Variants in OSBPL9 observed in about 807,000 individuals in gnomAD.
OSBPL9 encodes the protein oxysterol binding protein like 9.
OSBPL9 carries 40 observed loss-of-function variants against 106.6 expected under a neutral mutation model. That is an observed-to-expected ratio of 0.38 (90% CI 0.29 to 0.49). OSBPL9 has a LOEUF of 0.49. Among genes scored for constraint, OSBPL9 ranks in the 20% least tolerant of loss-of-function variants. OSBPL9 has a pLI of 0.97. For missense variants in OSBPL9, 609 were observed against 887.2 expected, an observed-to-expected ratio of 0.69 and a Z score of 3.98; for synonymous variants, 269 against 295.4, an observed-to-expected ratio of 0.91 and a Z score of 0.92.
At chr1:51,700,154 C>T (rs1342777809) in intron 3 of OSBPL9, among the ~76,000 whole-genome samples, 1 of 152,188 alleles carries the variant, frequency 6.6e-6, no homozygotes, top group Non-Finnish European at 1.5e-5. Context: ...TTGTGCCATG[C>T]GGAGCCTGTT....
rs183477129 is a variant in OSBPL9, at chr1:51,688,642, A to T, written c.241+19130A>T. Among the ~76,000 whole-genome samples, 107 of 152,262 alleles carry T rather than the reference A, an allele frequency of 7.0e-4. 1 individual carries two copies. Among genetic ancestry groups the T allele is most frequent in the East Asian group, 6.7e-3 (35 of 5,190 alleles). On this transcript the variant is annotated intron_variant, in intron 3 of 23. Coordinates refer to ENST00000428468, the MANE Select transcript of OSBPL9 (RefSeq NM_024586.6). ...TAAAAAATAAAAATAAACTAAAAAA[A>T]TTTTTTAAAAGAATTTTAAAAAAGT...
intron 2 of OSBPL9, among the ~76,000 whole-genome samples, chr1:51,602,116 G>C (rs552561012): frequency 1.5e-5 from 2 of 136,558 alleles, no homozygotes; most frequent in East Asian, 2.4e-4. Flanking sequence ...CGCCTTCTGG[G>C]TTCACGCCAT....
At chr1:51,779,216 A>G (rs1394789820) in intron 15 of OSBPL9, among the ~76,000 whole-genome samples, 1 of 152,238 alleles carries the variant, frequency 6.6e-6, no homozygotes, top group African/African-American at 2.4e-5. Flanking sequence ...CACATAGACC[A>G]ATGGAACAGA....
At chr1:51,569,994 C>A in the OSBPL9 span, among the ~76,000 whole-genome samples, 59 of 152,266 alleles carry the variant, frequency 3.9e-4, no homozygotes, top group African/African-American at 1.4e-3. Context: ...TAGCAAGGAG[C>A]CAAGCTGGAA....
chr1:51,765,710 T>A, intron 11 of OSBPL9, 112 bp from the exon 12 acceptor site: 1 of 1,043,036 alleles, frequency 9.6e-7, no homozygotes, highest in East Asian at 2.6e-5. Context: ...TAGCGACTTT[T>A]ACAAACTTAA....
chr1:51,672,506 G>A (rs951329963), intron 3 of OSBPL9, among the ~76,000 whole-genome samples: 4 of 150,416 alleles, frequency 2.7e-5, no homozygotes, highest in Non-Finnish European at 4.4e-5. Flanking sequence ...CCCAGCCCCC[G>A]GCCCCAGGCA....
At chr1:51,569,215 A>G in the OSBPL9 span, among the ~76,000 whole-genome samples, 7 of 152,358 alleles carry the variant, frequency 4.6e-5, no homozygotes, top group African/African-American at 1.7e-4. Context: ...TCACTGAGGC[A>G]GAGTACAATG....
intron 1 of OSBPL9, among the ~76,000 whole-genome samples, chr1:51,620,571 C>T (rs1381645325): frequency 1.3e-5 from 2 of 151,946 alleles, no homozygotes; most frequent in East Asian, 3.9e-4. Flanking sequence ...AGAGATTAGC[C>T]GTATGAGCAG....
At chr1:51,578,132 G>C (rs145034240) in intron 1 of OSBPL9, among the ~76,000 whole-genome samples, 14 of 152,280 alleles carry the variant, frequency 9.2e-5, no homozygotes, top group African/African-American at 3.4e-4. Flanking sequence ...AAATATTTGT[G>C]AATAACTGAA....
intron 3 of OSBPL9, among the ~76,000 whole-genome samples, chr1:51,713,418 G>A (rs1251457396): frequency 5.3e-5 from 8 of 152,160 alleles, no homozygotes; most frequent in South Asian, 2.1e-4. Flanking sequence ...CCAAAATGCC[G>A]GGATTACAGT....
chr1:51,715,129 G>A (rs1446256532), intron 4 of OSBPL9, among the ~76,000 whole-genome samples: 1 of 152,114 alleles, frequency 6.6e-6, no homozygotes, highest in Non-Finnish European at 1.5e-5. Flanking sequence ...ATCAGGAATT[G>A]ACTTGATTAG....
At chr1:51,786,382 A>G in intron 21 of OSBPL9, 144 bp from the exon 22 acceptor site, 1 of 603,850 alleles carries the variant, frequency 1.7e-6, no homozygotes, top group Non-Finnish European at 2.9e-6. Flanking sequence ...TAAACAGAGG[A>G]AAGATGTTAT....
chr1:51,737,308 A>C (rs549407568), intron 4 of OSBPL9, among the ~76,000 whole-genome samples: 53 of 152,140 alleles, frequency 3.5e-4, no homozygotes, highest in African/African-American at 1.3e-3. Flanking sequence ...TGCATGCTAA[A>C]ATGGTTATAA....
At chr1:51,586,057 A>T (rs1400576835) in intron 1 of OSBPL9, among the ~76,000 whole-genome samples, 1 of 148,646 alleles carries the variant, frequency 6.7e-6, no homozygotes, top group African/African-American at 2.5e-5. Context: ...ACCTGTAATC[A>T]CAGCTACTCA....
At chr1:51,587,574 T>C (rs1347257318) in intron 1 of OSBPL9, among the ~76,000 whole-genome samples, 1 of 152,192 alleles carries the variant, frequency 6.6e-6, no homozygotes, top group Non-Finnish European at 1.5e-5. Flanking sequence ...TTCAAACTTG[T>C]AACACTTCCT....
At chr1:51,740,749 G>T (rs894742098) in intron 4 of OSBPL9, among the ~76,000 whole-genome samples, 7 of 152,016 alleles carry the variant, frequency 4.6e-5, no homozygotes, top group Non-Finnish European at 8.8e-5. Context: ...TTATTACTCA[G>T]CCTTCCTGTT....
At chr1:51,711,456 C>CAGA (rs1659839417) in intron 3 of OSBPL9, among the ~76,000 whole-genome samples, 1 of 114,028 alleles carries the variant, frequency 8.8e-6, no homozygotes, top group Non-Finnish European at 1.9e-5. Context: ...GCTGGCCGGG[C>CAGA]GGGGGGCTGA....
chr1:51,552,959 A>T, the OSBPL9 span, among the ~76,000 whole-genome samples: 2 of 151,618 alleles, frequency 1.3e-5, no homozygotes, highest in African/African-American at 4.8e-5. Context: ...TAAGTATCAA[A>T]GTTCTTTAAA....
the OSBPL9 span, among the ~76,000 whole-genome samples, chr1:51,529,234 G>A: frequency 4.0e-5 from 6 of 151,658 alleles, no homozygotes; most frequent in South Asian, 1.3e-3. Context: ...GAAGACTCAT[G>A]CTTCCTGATT....
Sources: gnomAD v4.1 joint callset for allele counts (sites outside exome capture counted in the v4.1 genomes callset) on GRCh38, gnomAD v4.1.1 for gene constraint, MANE v1.5 for transcripts, NCBI Gene and HGNC (gene_info 2026-07-23, HGNC 2026-07-21) for gene names.